The following RHEX variants were observed in gnomAD, a reference collection of about 807,000 sequenced individuals.
The protein encoded by RHEX is regulator of hemoglobinization and erythroid cell expansion protein.
A neutral mutation model predicts 20.1 loss-of-function variants in RHEX; 18 were observed. The ratio of observed to expected loss-of-function variants is 0.90; its 90% CI spans 0.62 to 1.33. The LOEUF is 1.33. Among genes scored for constraint, RHEX ranks in the 40% most tolerant of loss-of-function variants. The probability of loss-of-function intolerance (pLI) is 0.00; values close to 1 mark genes in which losing one functional copy is unlikely to be tolerated. For missense variants in RHEX, 192 were observed against 214.3 expected, an observed-to-expected ratio of 0.90 and a Z score of 0.65; for synonymous variants, 87 against 77.1, an observed-to-expected ratio of 1.13 and a Z score of -0.67.
chr1:206,088,926 C>A (rs1347079871), intron 1 of RHEX, among the ~76,000 whole-genome samples: 1 of 151,960 alleles, frequency 6.6e-6, no homozygotes, highest in Non-Finnish European at 1.5e-5. Flanking sequence ...CTCAAGTGAT[C>A]CTCCTGCTTC....
chr1:206,098,462 C>T (rs1663123648), intron 3 of RHEX: 2 of 387,526 alleles, frequency 5.2e-6, no homozygotes, highest in Admixed American at 3.8e-5. Context: ...TTTGCAATGC[C>T]TACGAGGAAG....
Position 206,099,760 on chromosome 1 carries a change from CAGAG to C in RHEX, c.224_227del (p.Arg75ThrfsTer49), listed in dbSNP as rs782335514. Reference sequence around the variant, plus strand: ...GTCAAAGAGATGAAGGAGACTCAGACAGAGAGAGACATCCCAATGTCTGATTCCC... The same window carrying C: ...GTCAAAGAGATGAAGGAGACTCAGACAGAGACATCCCAATGTCTGATTCCC... On this transcript the variant is annotated frameshift_variant, in exon 4 of 6. Coordinates refer to ENST00000331555, the MANE Select transcript of RHEX (RefSeq NM_001007544.4). LOFTEE classifies it high-confidence loss of function. 6.2e-7 allele frequency: 1 copy of C among 1,614,084 alleles called. No individual in the cohort carries two copies. Among genetic ancestry groups the C allele is most frequent in the South Asian group, 1.1e-5 (1 of 91,080 alleles).
At chr1:206,078,327 C>T (rs1333006658) in intron 1 of RHEX, among the ~76,000 whole-genome samples, 1 of 152,030 alleles carries the variant, frequency 6.6e-6, no homozygotes, top group Non-Finnish European at 1.5e-5. Context: ...ATCCCTTGAG[C>T]CCAGGACTTT....
At chr1:206,070,059 G>T (rs1662498137) in intron 1 of RHEX, among the ~76,000 whole-genome samples, 1 of 148,796 alleles carries the variant, frequency 6.7e-6, no homozygotes, top group Non-Finnish European at 1.5e-5. Flanking sequence ...AAAAAAAAAA[G>T]AATTAGTCTT....
At chr1:206,070,290 G>A (rs782270080) in intron 1 of RHEX, among the ~76,000 whole-genome samples, 1 of 152,120 alleles carries the variant, frequency 6.6e-6, no homozygotes, top group African/African-American at 2.4e-5. Context: ...TATATCCACG[G>A]CTTCTCTCAG....
At chr1:206,070,040 A>G (rs1229470719) in intron 1 of RHEX, among the ~76,000 whole-genome samples, 9 of 151,210 alleles carry the variant, frequency 6.0e-5, no homozygotes, top group Admixed American at 4.6e-4. Flanking sequence ...AATAGCATTT[A>G]CTATTAAAAA....
At chr1:206,085,424 C>T (rs1354575992) in intron 1 of RHEX, among the ~76,000 whole-genome samples, 1 of 152,154 alleles carries the variant, frequency 6.6e-6, no homozygotes, top group African/African-American at 2.4e-5. Flanking sequence ...TAATTTGACC[C>T]CTTCTAATTC....
At position 206,057,284 on chromosome 1, in the gene RHEX, G is replaced by A. The variant is rs112902125; in HGVS notation, c.-97+4019G>A. Among the ~76,000 whole-genome samples the A allele has an allele frequency of 4.7e-3, 719 of 152,356 alleles. 8 individuals carry two copies. Among genetic ancestry groups the A allele is most frequent in the African/African-American group, 0.016 (665 of 41,552 alleles). On this transcript the variant is annotated intron_variant, in intron 1 of 5. Coordinates refer to ENST00000331555, the MANE Select transcript of RHEX (RefSeq NM_001007544.4). ...AGATCAATGGCCATGGGAAGCCCGA[G>A]AATTGGTTCCTATAGACCCGGTTCC...
At chr1:206,056,806 A>T (rs1272991464) in intron 1 of RHEX, among the ~76,000 whole-genome samples, 1 of 152,226 alleles carries the variant, frequency 6.6e-6, no homozygotes, top group Non-Finnish European at 1.5e-5. Flanking sequence ...AAAAAAAGTT[A>T]CACAGTAAAA....
At chr1:206,066,423 C>T (rs1266562624) in intron 1 of RHEX, among the ~76,000 whole-genome samples, 3 of 152,204 alleles carry the variant, frequency 2.0e-5, no homozygotes, top group Admixed American at 1.3e-4. Flanking sequence ...TTGAGACCAG[C>T]CTGACCAACA....
intron 1 of RHEX, chr1:206,062,393 T>C (rs969421533): frequency 1.3e-5 from 2 of 152,322 alleles, no homozygotes; most frequent in African/African-American, 4.8e-5. Flanking sequence ...TGAGACAGCC[T>C]GGCCAACAAG....
chr1:206,058,874 A>G lies in RHEX; in HGVS notation c.-97+5609A>G, dbSNP rs79133432. Reference sequence around the variant, plus strand: ...AATAAAGCCCTTCCTTCTACAATTCAGTGTCTGGGAGGTTTTGTCTGCGGC... The same window carrying G: ...AATAAAGCCCTTCCTTCTACAATTCGGTGTCTGGGAGGTTTTGTCTGCGGC... On this transcript the variant is annotated intron_variant, in intron 1 of 5. Transcript: ENST00000331555. Among the ~76,000 whole-genome samples, 196 of 147,478 alleles carry G rather than the reference A, an allele frequency of 1.3e-3. 2 individuals are homozygous for G. The highest frequency in any genetic ancestry group is 6.0e-3 in the South Asian group (27 of 4,518).
intron 1 of RHEX, among the ~76,000 whole-genome samples, chr1:206,059,484 C>G (rs552744961): frequency 9.2e-5 from 14 of 152,308 alleles, no homozygotes; most frequent in African/African-American, 2.9e-4. Context: ...CCCCACCCCA[C>G]CTTGGCCACA....
chr1:206,057,811 G>C (rs533742238), intron 1 of RHEX, among the ~76,000 whole-genome samples: 257 of 152,352 alleles, frequency 1.7e-3, no homozygotes, highest in African/African-American at 5.9e-3. Flanking sequence ...CTATGGACCT[G>C]CCACTTGGTC....
chr1:206,078,460 C>T (rs1662674898), intron 1 of RHEX, among the ~76,000 whole-genome samples: 1 of 152,116 alleles, frequency 6.6e-6, no homozygotes, highest in Admixed American at 6.6e-5. Flanking sequence ...ACTCAGGAGG[C>T]TAAGGCAGGA....
chr1:206,076,760 G>A (rs1553285312), intron 1 of RHEX, among the ~76,000 whole-genome samples: 1 of 152,160 alleles, frequency 6.6e-6, no homozygotes, highest in Non-Finnish European at 1.5e-5. Context: ...GGGTGTGGAA[G>A]GTTTTCAAAA....
chr1:206,078,767 A>G (rs1662681533), intron 1 of RHEX, among the ~76,000 whole-genome samples: 1 of 152,064 alleles, frequency 6.6e-6, no homozygotes, highest in Admixed American at 6.6e-5. Flanking sequence ...AGGAAGGGGA[A>G]GGGTGGTAGA....
chr1:206,088,222 GAAATA>G (rs1262002498), intron 1 of RHEX, among the ~76,000 whole-genome samples: 1 of 152,120 alleles, frequency 6.6e-6, no homozygotes. Context: ...TATAACAAAT[GAAATA>G]AAACATCCTC....
At chr1:206,094,114 T>C (rs1663015302) in intron 1 of RHEX, among the ~76,000 whole-genome samples, 1 of 152,122 alleles carries the variant, frequency 6.6e-6, no homozygotes, top group Non-Finnish European at 1.5e-5. Context: ...CCTCACACAG[T>C]CCATGCGCTT....
Sources: gnomAD v4.1 joint callset for allele counts (sites outside exome capture counted in the v4.1 genomes callset) on GRCh38, gnomAD v4.1.1 for gene constraint, MANE v1.5 for transcripts, NCBI Gene and HGNC (gene_info 2026-07-23, HGNC 2026-07-21) for gene names.